The following TEAD1 variants were observed in gnomAD, a reference collection of about 807,000 sequenced individuals.
TEAD1 encodes the protein transcriptional enhancer factor TEF-1.
TEAD1 carries 9 observed loss-of-function variants against 54.9 expected under a neutral mutation model. That is an observed-to-expected ratio of 0.16 (90% confidence interval 0.10 to 0.29). The LOEUF is 0.29. TEAD1 is among the 10% of genes least tolerant of loss of function. The pLI, the probability that TEAD1 is intolerant of heterozygous loss-of-function variation, is 1.00. For missense variants in TEAD1, 387 were observed against 535.9 expected (o/e 0.72, Z 2.74); for synonymous variants, 200 against 187.8 (o/e 1.07, Z -0.53).
intron 12 of TEAD1, among the ~76,000 whole-genome samples, chr11:12,931,164 C>T (rs1037428395): frequency 1.3e-5 from 2 of 152,176 alleles, no homozygotes; most frequent in Non-Finnish European, 2.9e-5. Flanking sequence ...GTTCAAGGTC[C>T]ATGATGGGAA....
intron 3 of TEAD1, among the ~76,000 whole-genome samples, chr11:12,809,365 G>A (rs1482892910): frequency 6.6e-6 from 1 of 152,198 alleles, no homozygotes; most frequent in Non-Finnish European, 1.5e-5. Flanking sequence ...TTGAAAGATT[G>A]AAACCCATTG....
chr11:12,790,601 T>C (rs952579575), intron 3 of TEAD1, among the ~76,000 whole-genome samples: 1 of 152,224 alleles, frequency 6.6e-6, no homozygotes, highest in African/African-American at 2.4e-5. Context: ...ATATCCCCAG[T>C]ATTAAAGAAT....
rs1470632441 is a variant in TEAD1, at chr11:12,937,726, A to T, written c.*504A>T. The T allele has an allele frequency of 6.5e-6, 1 of 152,852 alleles. No homozygotes were observed. The highest frequency in any genetic ancestry group is 1.5e-5 in the Non-Finnish European group (1 of 68,202). 9.5% of individuals were successfully genotyped at this position (152,852 alleles called of 1,614,324 possible). A position where few individuals can be genotyped will look rare whatever the true frequency, so the allele number is the denominator to read the frequency against. ...CACAAAACTAAGAATCTTTAGACTT[A>T]TCTTTGTAACTAATTAGGGTGGAAG... On this transcript the variant is annotated 3_prime_UTR_variant, in exon 13 of 13. Coordinates refer to ENST00000527636, the MANE Select transcript of TEAD1 (RefSeq NM_021961.6).
intron 3 of TEAD1, among the ~76,000 whole-genome samples, chr11:12,824,259 C>G (rs887752418): frequency 1.3e-5 from 2 of 152,196 alleles, no homozygotes; most frequent in African/African-American, 4.8e-5. Context: ...ACACTGGACA[C>G]TGGGCTCTGC....
intron 5 of TEAD1, among the ~76,000 whole-genome samples, chr11:12,876,380 C>T (rs1480167817): frequency 6.6e-6 from 1 of 152,096 alleles, no homozygotes; most frequent in Non-Finnish European, 1.5e-5. Flanking sequence ...TCATTTGGAC[C>T]TGGACTTAGA....
chr11:12,736,237 G>C (rs1189606364), intron 2 of TEAD1, among the ~76,000 whole-genome samples: 2 of 152,074 alleles, frequency 1.3e-5, no homozygotes, highest in East Asian at 1.9e-4. Context: ...TTCAAAACTG[G>C]AATATGTGGA....
At chr11:12,753,917 G>A (rs1029534161) in intron 2 of TEAD1, among the ~76,000 whole-genome samples, 8 of 152,098 alleles carry the variant, frequency 5.3e-5, no homozygotes, top group African/African-American at 9.7e-5. Context: ...AAACTATTGT[G>A]TGTGGTGGGG....
intron 3 of TEAD1, among the ~76,000 whole-genome samples, chr11:12,796,573 A>C (rs1945930189): frequency 6.6e-6 from 1 of 151,852 alleles, no homozygotes; most frequent in African/African-American, 2.4e-5. Context: ...AAAAATACAA[A>C]AATTAGCTGG....
rs1366867655 is a variant in TEAD1, at chr11:12,939,548, T to C, written c.*2326T>C. On this transcript the variant is annotated 3_prime_UTR_variant, in exon 13 of 13. Transcript: ENST00000527636. ...AATACTGGGACCCAAGAAGAACAGC[T>C]AGAGGACAACTCTGTTGGCACAGAG... 6.6e-6 allele frequency: 1 copy of C among 152,248 alleles called. No individual in the cohort carries two copies. The highest frequency in any genetic ancestry group is 1.5e-5 in the Non-Finnish European group (1 of 68,094). The allele number at this position is 152,248 out of a possible 1,614,324, so 9.4% of individuals were successfully genotyped here. A position where few individuals can be genotyped will look rare whatever the true frequency, so the allele number is the denominator to read the frequency against.
intron 3 of TEAD1, among the ~76,000 whole-genome samples, chr11:12,860,654 C>T (rs550343333): frequency 1.3e-5 from 2 of 152,280 alleles, no homozygotes; most frequent in South Asian, 4.1e-4. Context: ...TTTCTCTGTG[C>T]CCAGCAGTGT....
chr11:12,910,766 A>G (rs1435382891), intron 10 of TEAD1, among the ~76,000 whole-genome samples: 2 of 57,236 alleles, frequency 3.5e-5, no homozygotes, highest in South Asian at 1.1e-3. Flanking sequence ...TTTTTTTTTG[A>G]GATGGAGTCT....
chr11:12,704,547 C>G lies in TEAD1; in HGVS notation c.-55+28986C>G, dbSNP rs145966205. On this transcript the variant is annotated intron_variant, in intron 2 of 12. Transcript: ENST00000527636. Reference sequence around the variant, plus strand: ...AGGAATGTACATCATTTTACAGAAGCCTTCCCAGCTCCAACAGCATAAGAA... The same window carrying G: ...AGGAATGTACATCATTTTACAGAAGGCTTCCCAGCTCCAACAGCATAAGAA... Among the ~76,000 whole-genome samples the G allele has an allele frequency of 5.9e-5, 9 of 152,356 alleles. No homozygotes were observed. The East Asian group carries it at 1.7e-3, about 29-fold the overall frequency.
chr11:12,915,166 T>TG (rs2134148209), intron 10 of TEAD1, among the ~76,000 whole-genome samples: 1 of 152,286 alleles, frequency 6.6e-6, no homozygotes, highest in East Asian at 1.9e-4. Flanking sequence ...CCTGTGCCCC[T>TG]GCTGTCCCCC....
chr11:12,870,564 C>G (rs532928790), intron 5 of TEAD1, among the ~76,000 whole-genome samples: 2 of 151,266 alleles, frequency 1.3e-5, no homozygotes, highest in Non-Finnish European at 2.9e-5. Context: ...TCTCCCCCGC[C>G]CCCCCCGGGG....
intron 3 of TEAD1, among the ~76,000 whole-genome samples, chr11:12,802,745 G>A (rs946879267): frequency 4.6e-5 from 7 of 152,172 alleles, no homozygotes; most frequent in Non-Finnish European, 7.3e-5. Flanking sequence ...GCGATGTGCC[G>A]ATTGCGCAAG....
intron 3 of TEAD1, among the ~76,000 whole-genome samples, chr11:12,835,730 A>G (rs976568112): frequency 2.6e-5 from 4 of 152,230 alleles, no homozygotes; most frequent in African/African-American, 9.6e-5. Flanking sequence ...AGGTAGAGAA[A>G]TAGAAGAAGA....
chr11:12,801,640 G>A lies in TEAD1; in HGVS notation c.202+37206G>A, dbSNP rs115292054. The stretch of plus-strand genomic sequence containing the variant: ...TTGGAGCCTTGGTTTGAACCTGAGC[G>A]TGTCTGCTTCCAAAGCCCATGCTCT... On this transcript the variant is annotated intron_variant, in intron 3 of 12. Transcript: ENST00000527636. Among the ~76,000 whole-genome samples, 1,097 of 152,306 alleles carry A rather than the reference G, an allele frequency of 7.2e-3. 13 individuals are homozygous for A. Among genetic ancestry groups the A allele is most frequent in the African/African-American group, 0.025 (1,035 of 41,564 alleles).
chr11:12,852,024 A>G (rs1947284878), intron 3 of TEAD1, among the ~76,000 whole-genome samples: 1 of 152,176 alleles, frequency 6.6e-6, no homozygotes, highest in South Asian at 2.1e-4. Flanking sequence ...GCTCCCACAG[A>G]CATTGGGGAG....
At position 12,764,286 on chromosome 11, in the gene TEAD1, G is replaced by T; in HGVS notation, c.54G>T (p.Arg18Ser). ...AGAGCCCTGCCGAAAACATGGAAAGGATGAGTGACTCTGCAGATAAGCCAA... is the reference window on the plus strand; with the variant it reads ...AGAGCCCTGCCGAAAACATGGAAAGTATGAGTGACTCTGCAGATAAGCCAA... Residue 18 changes from arginine (R) to serine (S), a missense_variant, in exon 3 of 13, where the codon AGG becomes AGT. Coordinates refer to ENST00000527636, the MANE Select transcript of TEAD1 (RefSeq NM_021961.6). 3 of 1,614,214 alleles carry T rather than the reference G, an allele frequency of 1.9e-6. No individual in the cohort carries two copies. Among genetic ancestry groups the T allele is most frequent in the Non-Finnish European group, 1.7e-6 (2 of 1,180,020 alleles).
Sources: allele counts gnomAD v4.1 joint callset (sites outside exome capture counted in the v4.1 genomes callset), GRCh38; gene constraint gnomAD v4.1.1; transcripts MANE v1.5; gene names NCBI Gene and HGNC (gene_info 2026-07-23, HGNC 2026-07-21).